MCM3: variants seen among roughly 807,000 people sequenced by gnomAD.
MCM3 encodes the protein DNA replication licensing factor MCM3.
In MCM3, 59 loss-of-function variants were observed where a neutral mutation model predicts 91.3. That is an observed-to-expected ratio of 0.65 (90% CI 0.52 to 0.80). MCM3 has a LOEUF of 0.80. Among genes scored for constraint, MCM3 ranks in the 30% least tolerant of loss-of-function variants. The probability of loss-of-function intolerance (pLI) is 0.00; values close to 1 mark genes in which losing one functional copy is unlikely to be tolerated. For missense variants in MCM3, 919 were observed against 1,035.4 expected (o/e 0.89, Z 1.54); for synonymous variants, 383 against 379.6 (o/e 1.01, Z -0.10).
intron 4 of MCM3, among the ~76,000 whole-genome samples, chr6:52,280,403 G>A (rs983193364): frequency 1.1e-4 from 16 of 152,238 alleles, no homozygotes; most frequent in Non-Finnish European, 2.9e-5. Context: ...GCCAGGCACT[G>A]TGCTATTACT....
intron 14 of MCM3, among the ~76,000 whole-genome samples, chr6:52,267,066 G>A (rs1764693972): frequency 1.4e-5 from 2 of 148,108 alleles, no homozygotes; most frequent in African/African-American, 5.0e-5. Flanking sequence ...AGAAGGACTC[G>A]CTCTCCTTCT....
In MCM3 at chr6:52,278,723, T is replaced by C; in HGVS notation, c.879+19A>G. ...TAGAAATCCATTCCCACCCTCAAAT[T>C]TCTAAAGGATGCCCAGACCTTGGAT... On this transcript the variant is annotated intron_variant, in intron 6 of 16. Transcript: ENST00000596288. The C allele has an allele frequency of 1.9e-6, 3 of 1,571,282 alleles. No individual in the cohort carries two copies. Among genetic ancestry groups the C allele is most frequent in the East Asian group, 2.2e-5 (1 of 44,504 alleles).
Position 52,283,306 on chromosome 6 carries a change from T to G in MCM3, c.179A>C (p.Lys60Thr), listed in dbSNP as rs1008282861. Reference sequence around the variant, plus strand: ...CCTTGCCTCTCACCGGTTAGCCCTCTTCTCGTTTTTCCTGCGCAGGTCATT... The same window carrying G: ...CCTTGCCTCTCACCGGTTAGCCCTCGTCTCGTTTTTCCTGCGCAGGTCATT... ...NVNDLRRKNEKRANRLLNNAF... is the reference protein window; with the variant it reads ...NVNDLRRKNETRANRLLNNAF... The change falls in exon 2 of 17, where the codon AAG becomes ACG. Residue 60 changes from lysine (K) to threonine (T), a missense_variant. Physicochemically the swap from Lys to Thr is moderately conservative, Grantham distance 78 (BLOSUM62 -1). Coordinates refer to ENST00000596288, the MANE Select transcript of MCM3 (RefSeq NM_002388.6). 1 of 1,614,054 alleles carries G rather than the reference T, an allele frequency of 6.2e-7. No individual in the cohort carries two copies. The highest frequency in any genetic ancestry group is 8.5e-7 in the Non-Finnish European group (1 of 1,179,946).
rs764163389 is a variant in MCM3, at chr6:52,277,191, T to G, written c.1041A>C (p.Pro347=). 2.9e-5 allele frequency: 46 copies of G among 1,612,818 alleles called. No homozygotes were observed. Among genetic ancestry groups the G allele is most frequent in the Non-Finnish European group, 3.8e-5 (45 of 1,179,752 alleles). ...GCAGAAGCTGAGACTTGGCAACGGA[T>G]GGGTCTCCTGTAGGGTGGGGGCAGT... The part of the protein sequence containing the change: ...GDINILLIGD[P]SVAKSQLLRY... The change falls in exon 8 of 17, where the codon CCA becomes CCC. Residue 347 remains proline, a synonymous_variant. Coordinates refer to ENST00000596288, the MANE Select transcript of MCM3 (RefSeq NM_002388.6).
intron 3 of MCM3, among the ~76,000 whole-genome samples, chr6:52,282,437 T>A (rs1401679116): frequency 6.6e-6 from 1 of 152,068 alleles, no homozygotes; most frequent in Admixed American, 6.6e-5. Context: ...GAACCAAGAC[T>A]CCTCCAGCTC....
At chr6:52,283,252 A>G (rs543581790) in intron 2 of MCM3, 42 bp downstream of exon 2, 1 of 1,515,410 alleles carries the variant, frequency 6.6e-7, no homozygotes, top group Admixed American at 1.7e-5. Flanking sequence ...GAGGGAAGGG[A>G]GCCATTCTCA....
rs149253883 is a variant in MCM3 at position 52,278,872 on chromosome 6, G to A, written c.771-22C>T. Reference sequence around the variant, plus strand: ...AGTCCTGGGACAAACAGAATAAAGAGGAAACCCGTTATATTCAATTCCTAA... The same window carrying A: ...AGTCCTGGGACAAACAGAATAAAGAAGAAACCCGTTATATTCAATTCCTAA... On this transcript the variant is annotated intron_variant, in intron 5 of 16. Coordinates refer to ENST00000596288, the MANE Select transcript of MCM3 (RefSeq NM_002388.6). 131 of 1,541,140 alleles carry A rather than the reference G, an allele frequency of 8.5e-5. No individual in the cohort carries two copies. In the African/African-American group the frequency reaches 1.7e-3, roughly 20 times the overall value.
intron 1 of MCM3, 103 bp downstream of exon 1, chr6:52,284,494 T>A: frequency 9.5e-7 from 1 of 1,054,770 alleles, no homozygotes; most frequent in Non-Finnish European, 1.3e-6. Flanking sequence ...CAGGCTCCGC[T>A]GCGGCACACG....
chr6:52,270,276 C>T (rs988908986), intron 12 of MCM3, among the ~76,000 whole-genome samples: 4 of 149,850 alleles, frequency 2.7e-5, no homozygotes, highest in Non-Finnish European at 5.9e-5. Context: ...TTGCAGTGAG[C>T]CAAGATCATG....
chr6:52,282,778 G>A lies in MCM3; in HGVS notation c.275C>T (p.Ala92Val), dbSNP rs1016655279. 1.9e-6 allele frequency: 3 copies of A among 1,614,036 alleles called. No individual in the cohort carries two copies. Among genetic ancestry groups the A allele is most frequent in the Non-Finnish European group, 2.5e-6 (3 of 1,180,018 alleles). ...TACGTAGAACTCCTCATACTGCTTG[G>A]CATAGGTAGCATCAATGGAGGCCAC... ...DFVASIDATY[A>V]KQYEEFYVGL... is the part of the protein sequence containing the mutation. Residue 92 changes from alanine to valine, a missense_variant, in exon 3 of 17, where the codon GCC (alanine) becomes GTC (valine). Physicochemically the swap from Ala to Val is moderately conservative, Grantham distance 64. Coordinates refer to ENST00000596288, the MANE Select transcript of MCM3 (RefSeq NM_002388.6).
Position 52,272,388 on chromosome 6 carries a change from A to G in MCM3, c.1740T>C (p.Pro580=), listed in dbSNP as rs1299724307. 4 of 1,614,088 alleles carry G rather than the reference A, an allele frequency of 2.5e-6. No homozygotes were observed. The highest frequency in any genetic ancestry group is 3.4e-6 in the Non-Finnish European group (4 of 1,180,050). Residue 580 remains proline (P), a synonymous_variant, in exon 12 of 17, where the codon CCT becomes CCC. Transcript: ENST00000596288. ...AGGTGGCCGACTCCTGTGTCAGGAC[A>G]GGCTTGATGATTTTGGCCACATGGA... ...KYIHVAKIIK[P]VLTQESATYI... is the part of the protein sequence containing the mutation.
rs1246304474 is a variant in MCM3, at chr6:52,277,585, T to C, written c.983A>G (p.Asp328Gly). The change falls in exon 7 of 17, where the codon GAC (aspartate) becomes GGC (glycine). Residue 328 changes from aspartate (D) to glycine (G), a missense_variant. Physicochemically the swap from Asp to Gly is moderately conservative, Grantham distance 94. Around this residue, in one of 3 missense-constraint regions of MCM3, gnomAD observed 233 missense variants for 321.2 expected, o/e 0.73. Coordinates refer to ENST00000596288, the MANE Select transcript of MCM3 (RefSeq NM_002388.6). ...ACGGATGTGGCTGCCATTTTCTAGG[T>C]CTCGTTCCACCCCTCCCAAGAGCAA... ...LCLLLGGVERDLENGSHIRGD... is the reference protein window; with the variant it reads ...LCLLLGGVERGLENGSHIRGD... 1 of 1,614,072 alleles carries C rather than the reference T, an allele frequency of 6.2e-7. No homozygotes were observed.
Position 52,276,366 on chromosome 6 carries a change from T to A in MCM3, c.1276A>T (p.Met426Leu), listed in dbSNP as rs1341700175. Residue 426 changes from methionine to leucine, a missense_variant, in exon 9 of 17, where the codon ATG becomes TTG. By Grantham distance (15) the Met-to-Leu change is conservative. Transcript: ENST00000596288. ...GCAATGGTCACTCGACCCTGCTCCA[T>A]CACTTCATGGATGGCTGTGCGATCC... Reference protein sequence around the residue: ...DMDRTAIHEVMEQGRVTIAKA... With the variant: ...DMDRTAIHEVLEQGRVTIAKA... The A allele has an allele frequency of 3.7e-6, 6 of 1,614,014 alleles. No individual in the cohort carries two copies. The Admixed American group carries it at 8.3e-5, about 22-fold the overall frequency.
At position 52,264,609 on chromosome 6, in the gene MCM3, C is replaced by T. The variant is rs1472947121; in HGVS notation, c.2406G>A (p.Glu802=). 7 of 1,614,170 alleles carry T rather than the reference C, an allele frequency of 4.3e-6. No individual in the cohort carries two copies. In the South Asian group the frequency reaches 7.7e-5, roughly 18 times the overall value. ...CTCCTCAGATGAGGAAGATGATGCC[C>T]TCAGACACCATGACCTGATTGTCAT... The part of the protein sequence containing the change: ...MQDDNQVMVS[E]GIIFLI Residue 802 remains glutamate (E), a synonymous_variant, in exon 17 of 17, where the codon GAG becomes GAA. Transcript: ENST00000596288.
intron 9 of MCM3, among the ~76,000 whole-genome samples, chr6:52,275,503 G>A (rs1581728612): frequency 1.3e-5 from 2 of 152,322 alleles, no homozygotes; most frequent in East Asian, 3.9e-4. Context: ...TCTTTAAAGA[G>A]GGTAATTTTG....
chr6:52,283,375 C>T lies in MCM3; in HGVS notation c.110G>A (p.Arg37Gln), dbSNP rs150433204. Reference sequence around the variant, plus strand: ...GTATTGGTTGTCACTGATCAGCTCCCGAACTTTGCTCTGATAAATTCCCTG... The same window carrying T: ...GTATTGGTTGTCACTGATCAGCTCCTGAACTTTGCTCTGATAAATTCCCTG... Reference protein sequence around the residue: ...EDQGIYQSKVRELISDNQYRL... With the variant: ...EDQGIYQSKVQELISDNQYRL... Residue 37 changes from arginine (R) to glutamine (Q), a missense_variant, in exon 2 of 17, where the codon CGG becomes CAG. Physicochemically the swap from Arg to Gln is conservative, Grantham distance 43. This residue lies in a region of MCM3 where 401 missense variants were observed against 402.7 expected (regional missense o/e 1.00). Coordinates refer to ENST00000596288, the MANE Select transcript of MCM3 (RefSeq NM_002388.6). The T allele has an allele frequency of 1.9e-6, 3 of 1,614,020 alleles. No individual in the cohort carries two copies. The highest frequency in any genetic ancestry group is 1.1e-5 in the South Asian group (1 of 91,086).
rs529073116 is a variant in MCM3, at chr6:52,281,942, C to G, written c.531+103G>C. ...CTTTGGATTAATCCTTATTTTTCAC[C>G]CTTTACAGAAAAAAGACTTCAGATA... On this transcript the variant is annotated intron_variant, in intron 4 of 16. Transcript: ENST00000596288. The G allele has an allele frequency of 1.8e-5, 22 of 1,203,926 alleles. No individual in the cohort carries two copies. In the South Asian group the frequency reaches 3.1e-4, roughly 17 times the overall value. 74.6% of individuals were successfully genotyped at this position (1,203,926 alleles called of 1,614,324 possible).
At position 52,267,639 on chromosome 6, in the gene MCM3, G is replaced by A. The variant is rs550398469; in HGVS notation, c.2072+226C>T. 4.0e-5 allele frequency among the ~76,000 whole-genome samples: 6 copies of A among 148,260 alleles called. No homozygotes were observed. In the East Asian group the frequency reaches 1.0e-3, roughly 25 times the overall value. On this transcript the variant is annotated intron_variant, in intron 14 of 16. Coordinates refer to ENST00000596288, the MANE Select transcript of MCM3 (RefSeq NM_002388.6). ...GCCTCCCAGGCTCAAGCAATCCTCC[G>A]ACCCCAGCCTACCGAGCAGCTGGGA... is the stretch of plus-strand genomic sequence containing the variant.
At chr6:52,265,345 G>GGC (rs1334156340) in intron 16 of MCM3, 2 of 405,854 alleles carry the variant, frequency 4.9e-6, no homozygotes, top group Non-Finnish European at 9.9e-6. Flanking sequence ...TTGAGGCCAG[G>GGC]AGTCCAAGAC....
Sources: allele counts gnomAD v4.1 joint callset (sites outside exome capture counted in the v4.1 genomes callset), GRCh38; gene constraint gnomAD v4.1.1; regional missense constraint gnomAD v4.1.1; transcripts MANE v1.5; gene names NCBI Gene and HGNC (gene_info 2026-07-23, HGNC 2026-07-21).